EVA1C: variants seen among roughly 807,000 people sequenced by gnomAD.
EVA1C encodes the protein protein eva-1 homolog C.
A neutral mutation model predicts 45.4 loss-of-function variants in EVA1C; 25 were observed. The observed-to-expected ratio is 0.55, with a 90% CI of 0.40 to 0.77. The LOEUF (loss-of-function observed/expected upper bound fraction) is 0.77, where lower values mean the gene tolerates loss of function less well. Among genes scored for constraint, EVA1C ranks in the 30% least tolerant of loss-of-function variants. EVA1C has a pLI of 0.00. For synonymous variants in EVA1C, 190 were observed against 221.2 expected (o/e 0.86, Z 1.25); for missense variants, 479 against 554.8 (o/e 0.86, Z 1.37).
chr21:32,455,160 G>T (rs1478386246), intron 2 of EVA1C, among the ~76,000 whole-genome samples: 1 of 152,196 alleles, frequency 6.6e-6, no homozygotes, highest in East Asian at 1.9e-4. Flanking sequence ...CTACTTCCAG[G>T]ATGGCTCCTT....
intron 1 of EVA1C, among the ~76,000 whole-genome samples, chr21:32,442,465 T>C (rs1471637284): frequency 5.3e-5 from 8 of 152,160 alleles, no homozygotes; most frequent in Non-Finnish European, 1.2e-4. Flanking sequence ...TCAGGACCCC[T>C]GACTCATGGC....
At chr21:32,423,897 C>G (rs201563391) in intron 1 of EVA1C, among the ~76,000 whole-genome samples, 1 of 152,126 alleles carries the variant, frequency 6.6e-6, no homozygotes, top group Admixed American at 6.6e-5. Context: ...GCCTCTGATG[C>G]CCTGTGAATA....
intron 1 of EVA1C, among the ~76,000 whole-genome samples, chr21:32,451,032 T>C (rs1348514737): frequency 1.3e-5 from 2 of 152,176 alleles, no homozygotes; most frequent in Non-Finnish European, 2.9e-5. Flanking sequence ...AGGAAATGTC[T>C]GTAGCCTTCC....
intron 5 of EVA1C, among the ~76,000 whole-genome samples, chr21:32,498,566 A>G (rs2037429605): frequency 6.6e-6 from 1 of 151,442 alleles, no homozygotes; most frequent in Admixed American, 6.6e-5. Flanking sequence ...CTATTTTAGA[A>G]AAGGGCAGAA....
chr21:32,483,004 C>T (rs998532644), intron 4 of EVA1C, among the ~76,000 whole-genome samples: 6 of 252 alleles, frequency 0.024, no homozygotes, highest in Non-Finnish European at 0.055. Context: ...TACAGGCGCA[C>T]ACCATCATGC....
chr21:32,502,106 T>C (rs1408085816), intron 6 of EVA1C, among the ~76,000 whole-genome samples: 4 of 151,658 alleles, frequency 2.6e-5, no homozygotes, highest in Non-Finnish European at 5.9e-5. Flanking sequence ...TTCCTTACTT[T>C]TTCTTCTTTT....
Position 32,506,169 on chromosome 21 carries a change from A to G in EVA1C, c.949+2154A>G, listed in dbSNP as rs1468025071. 5.3e-5 allele frequency among the ~76,000 whole-genome samples: 8 copies of G among 150,620 alleles called. No homozygotes were observed. The Admixed American group carries it at 5.3e-4, about 10-fold the overall frequency. ...AACCACAGGATAGAGATATTCGTTT[A>G]GTGACTATCTCTCCTGCTAGTGGCT... On this transcript the variant is annotated intron_variant, in intron 7 of 7. Transcript: ENST00000300255.
intron 4 of EVA1C, among the ~76,000 whole-genome samples, chr21:32,476,721 G>A (rs1417972720): frequency 6.6e-6 from 1 of 152,006 alleles, no homozygotes. Flanking sequence ...CCAAGTTATC[G>A]GTGTGACTCC....
intron 1 of EVA1C, among the ~76,000 whole-genome samples, chr21:32,421,876 T>C (rs2034285707): frequency 6.6e-6 from 1 of 151,862 alleles, no homozygotes; most frequent in Non-Finnish European, 1.5e-5. Context: ...AAGCCCTGTC[T>C]CTACTAAAAA....
chr21:32,503,688 C>G (rs542007776), intron 6 of EVA1C, among the ~76,000 whole-genome samples: 73 of 152,254 alleles, frequency 4.8e-4, no homozygotes, highest in African/African-American at 1.7e-3. Flanking sequence ...AAGTTGGAAC[C>G]AACACTTAAA....
chr21:32,429,032 A>T (rs9984591), intron 1 of EVA1C, among the ~76,000 whole-genome samples: 3,861 of 145,500 alleles, frequency 0.027, 120 homozygotes, highest in African/African-American at 0.074. Context: ...TTATTTATTT[A>T]TTTTTTGAGA....
chr21:32,440,865 C>T (rs1351284313), intron 1 of EVA1C, among the ~76,000 whole-genome samples: 1 of 152,164 alleles, frequency 6.6e-6, no homozygotes, highest in Non-Finnish European at 1.5e-5. Context: ...CTTTGGGAGG[C>T]CGAGGCGGGC....
intron 4 of EVA1C, among the ~76,000 whole-genome samples, chr21:32,494,295 G>A (rs565784522): frequency 2.1e-4 from 32 of 152,328 alleles, no homozygotes; most frequent in African/African-American, 7.7e-4. Context: ...GTGAGAATTA[G>A]ATGATGAACA....
chr21:32,462,661 T>G (rs541537170), intron 3 of EVA1C, among the ~76,000 whole-genome samples: 3 of 152,302 alleles, frequency 2.0e-5, no homozygotes, highest in African/African-American at 7.2e-5. Context: ...TGGAAGGTTG[T>G]GGGTTTACTG....
chr21:32,423,650 TC>T (rs2034377317), intron 1 of EVA1C, among the ~76,000 whole-genome samples: 1 of 152,056 alleles, frequency 6.6e-6, no homozygotes, highest in African/African-American at 2.4e-5. Flanking sequence ...CATGAATTTC[TC>T]ATCCTTATGT....
intron 7 of EVA1C, among the ~76,000 whole-genome samples, chr21:32,505,720 G>A (rs2016103): frequency 0.43 from 65,512 of 152,060 alleles, 15,057 homozygotes; most frequent in East Asian, 0.69. Flanking sequence ...GTGGACAGCA[G>A]CCTTCTTGCT....
In EVA1C at chr21:32,452,104, C is replaced by T. The variant is rs2035600390; in HGVS notation, c.161-1208C>T. On this transcript the variant is annotated intron_variant, in intron 1 of 7. Transcript: ENST00000300255. This position sits in a 1 kb window ranked among gnomAD's most constrained non-coding sequence, Gnocchi z 4.0. ...ATCCTCTCATTCCAATAAGGCATGGCCTCACTAGTGGGAGATGAGCAAATG... is the reference window on the plus strand; with the variant it reads ...ATCCTCTCATTCCAATAAGGCATGGTCTCACTAGTGGGAGATGAGCAAATG... 1 of 152,248 alleles carries T rather than the reference C, an allele frequency of 6.6e-6. No individual in the cohort carries two copies. The allele number at this position is 152,248 out of a possible 1,614,324, so 9.4% of individuals were successfully genotyped here. A position where few individuals can be genotyped will look rare whatever the true frequency, so the allele number is the denominator to read the frequency against.
chr21:32,514,254 A>G (rs566379412), intron 7 of EVA1C, among the ~76,000 whole-genome samples: 1 of 152,242 alleles, frequency 6.6e-6, no homozygotes, highest in Non-Finnish European at 1.5e-5. Context: ...AAAGGACAGA[A>G]TTAAGTTTTG....
At chr21:32,460,104 CAAAGCCCCT>C (rs1265708429) in intron 3 of EVA1C, among the ~76,000 whole-genome samples, 2 of 152,192 alleles carry the variant, frequency 1.3e-5, no homozygotes, top group Admixed American at 1.3e-4. Context: ...ATCATTTCAG[CAAAGCCCCT>C]ACTTTGCACA....
Sources: allele counts gnomAD v4.1 joint callset (sites outside exome capture counted in the v4.1 genomes callset), GRCh38; gene constraint gnomAD v4.1.1; non-coding constraint Gnocchi (gnomAD v3.1); transcripts MANE v1.5; gene names NCBI Gene and HGNC (gene_info 2026-07-23, HGNC 2026-07-21).